The following RIMS2 variants were observed in gnomAD, a reference collection of about 807,000 sequenced individuals.
The protein encoded by RIMS2 is regulating synaptic membrane exocytosis 2, also known as regulating synaptic membrane exocytosis protein 2.
Under a neutral mutation model 174.4 loss-of-function variants are expected in RIMS2, and 59 were observed. That is an observed-to-expected ratio of 0.34 (90% CI 0.27 to 0.42). The LOEUF (loss-of-function observed/expected upper bound fraction) is 0.42, where lower values mean the gene tolerates loss of function less well. RIMS2 is among the 10% of genes least tolerant of loss of function. RIMS2 has a pLI of 1.00. For synonymous variants in RIMS2, 606 were observed against 572.5 expected (o/e 1.06, Z -0.84); for missense variants, 1,620 against 1,666.3 (o/e 0.97, Z 0.48).
chr8:103,688,932 C>T lies in RIMS2; in HGVS notation c.177-8154C>T, dbSNP rs143189553. On this transcript the variant is annotated intron_variant, in intron 1 of 23. Coordinates refer to ENST00000504942, the Ensembl canonical transcript of RIMS2. ...TTCTTCTTTTCGTAGTTTCTTTGGT[C>T]GTAATTTTAGGCTGTTTATTTTGGA... Among the ~76,000 whole-genome samples the T allele has an allele frequency of 7.5e-3, 1,138 of 151,956 alleles. 10 individuals are homozygous for T. The highest frequency in any genetic ancestry group is 0.012 in the Non-Finnish European group (817 of 67,900).
chr8:103,678,817 C>T (rs2136613236), intron 1 of RIMS2, among the ~76,000 whole-genome samples: 1 of 152,094 alleles, frequency 6.6e-6, no homozygotes, highest in Middle Eastern at 3.4e-3. Context: ...CATGGACTAT[C>T]TGGGGGTGGA....
chr8:103,587,261 G>A (rs34192529), intron 1 of RIMS2, among the ~76,000 whole-genome samples: 17,612 of 151,796 alleles, frequency 0.12, 1,356 homozygotes, highest in Non-Finnish European at 0.17. Flanking sequence ...CTTCACTGCC[G>A]AATTCTACCA....
intron 14 of RIMS2, among the ~76,000 whole-genome samples, chr8:103,960,399 ATTTC>A (rs2089585604): frequency 6.6e-6 from 1 of 152,180 alleles, no homozygotes; most frequent in Non-Finnish European, 1.5e-5. Flanking sequence ...TTCCTAGTCT[ATTTC>A]TTAGAAAACA....
At chr8:104,033,457 A>G (rs1437930565) in intron 19 of RIMS2, among the ~76,000 whole-genome samples, 1 of 152,058 alleles carries the variant, frequency 6.6e-6, no homozygotes, top group African/African-American at 2.4e-5. Context: ...ATATGTATCT[A>G]TGTAAATAAG....
chr8:103,517,644 G>A (rs1175158613), intron 1 of RIMS2, among the ~76,000 whole-genome samples: 1 of 152,128 alleles, frequency 6.6e-6, no homozygotes, highest in Non-Finnish European at 1.5e-5. Flanking sequence ...TATTAACATG[G>A]TCCTTGGAAG....
At chr8:104,201,898 C>G (rs574698055) in intron 19 of RIMS2, among the ~76,000 whole-genome samples, 1 of 152,156 alleles carries the variant, frequency 6.6e-6, no homozygotes, top group Admixed American at 6.5e-5. Context: ...ATTGTAGAAG[C>G]TAGTATTAAC....
chr8:104,232,919 G>A (rs995201817), intron 19 of RIMS2, among the ~76,000 whole-genome samples: 1 of 151,934 alleles, frequency 6.6e-6, no homozygotes, highest in Non-Finnish European at 1.5e-5. Flanking sequence ...ATGCTGGTAA[G>A]CCAAAAACAT....
chr8:103,986,689 G>C (rs1268298287), intron 16 of RIMS2, among the ~76,000 whole-genome samples: 2 of 151,884 alleles, frequency 1.3e-5, no homozygotes, highest in Non-Finnish European at 2.9e-5. Flanking sequence ...TGGCCAACCT[G>C]GTGAAACCCC....
At chr8:103,816,731 T>C (rs957869150) in intron 3 of RIMS2, among the ~76,000 whole-genome samples, 3 of 152,054 alleles carry the variant, frequency 2.0e-5, no homozygotes, top group African/African-American at 7.2e-5. Flanking sequence ...CTAGCATGGG[T>C]GTAGTATAGT....
intron 3 of RIMS2, among the ~76,000 whole-genome samples, chr8:103,779,903 T>TA (rs556424042): frequency 3.9e-4 from 56 of 144,838 alleles, no homozygotes; most frequent in South Asian, 8.8e-4. Flanking sequence ...AAGGTATAAT[T>TA]AAAAAAAAAA....
intron 3 of RIMS2, among the ~76,000 whole-genome samples, chr8:103,835,379 G>T (rs1481709284): frequency 6.6e-6 from 1 of 152,054 alleles, no homozygotes; most frequent in African/African-American, 2.4e-5. Context: ...GGGATTACAG[G>T]CATGAGCCAC....
At chr8:103,892,357 C>T (rs373408996) in intron 4 of RIMS2, among the ~76,000 whole-genome samples, 191 of 151,826 alleles carry the variant, frequency 1.3e-3, no homozygotes, top group African/African-American at 4.4e-3. Flanking sequence ...CTTTCACCAC[C>T]GAGCCCAGCT....
At chr8:103,872,719 T>C (rs10505050) in intron 3 of RIMS2, among the ~76,000 whole-genome samples, 20,156 of 152,210 alleles carry the variant, frequency 0.13, 1,815 homozygotes, top group Non-Finnish European at 0.2. Flanking sequence ...TGTAGGCCTA[T>C]TGGGCTTATG....
chr8:103,815,123 C>T (rs1001437958), intron 3 of RIMS2, among the ~76,000 whole-genome samples: 1 of 152,028 alleles, frequency 6.6e-6, no homozygotes, highest in Non-Finnish European at 1.5e-5. Flanking sequence ...CAGAGATAAT[C>T]AATATTATCA....
At chr8:104,197,102 C>T (rs944139529) in intron 19 of RIMS2, among the ~76,000 whole-genome samples, 4 of 151,108 alleles carry the variant, frequency 2.6e-5, no homozygotes, top group Non-Finnish European at 5.9e-5. Flanking sequence ...ATACATTAAG[C>T]AATTTATTTT....
intron 17 of RIMS2, among the ~76,000 whole-genome samples, chr8:104,000,143 G>T (rs939004939): frequency 3.3e-5 from 5 of 151,672 alleles, no homozygotes; most frequent in Non-Finnish European, 5.9e-5. Flanking sequence ...TAAGAATGAA[G>T]TTCCTTTGTT....
chr8:103,645,022 C>T (rs890248747), intron 1 of RIMS2, among the ~76,000 whole-genome samples: 3 of 151,912 alleles, frequency 2.0e-5, no homozygotes. Context: ...GGTGAAGGGT[C>T]ATTTTAATTG....
intron 3 of RIMS2, among the ~76,000 whole-genome samples, chr8:103,795,684 C>A (rs991357454): frequency 6.6e-6 from 1 of 152,094 alleles, no homozygotes; most frequent in Non-Finnish European, 1.5e-5. Flanking sequence ...GCAAAAGATA[C>A]ACAATTCTCT....
At chr8:103,604,651 T>A (rs1243259604) in intron 1 of RIMS2, among the ~76,000 whole-genome samples, 1 of 147,344 alleles carries the variant, frequency 6.8e-6, no homozygotes, top group Non-Finnish European at 1.5e-5. Context: ...TTCTTCCATT[T>A]GTTTGTATCC....
Sources: allele counts gnomAD v4.1 joint callset (sites outside exome capture counted in the v4.1 genomes callset), GRCh38; gene constraint gnomAD v4.1.1; transcripts MANE v1.5; gene names NCBI Gene and HGNC (gene_info 2026-07-23, HGNC 2026-07-21).